The following SH3PXD2A variants were observed in gnomAD, a reference collection of about 807,000 sequenced individuals.
SH3PXD2A encodes SH3 and PX domains 2A.
In SH3PXD2A, 32 loss-of-function variants were observed where a neutral mutation model predicts 115.2. The observed-to-expected ratio is 0.28, with a 90% CI of 0.21 to 0.37. SH3PXD2A has a LOEUF of 0.37. SH3PXD2A is among the 10% of genes least tolerant of loss of function. The pLI is 1.00. For synonymous variants in SH3PXD2A, 610 were observed against 629.1 expected, an observed-to-expected ratio of 0.97 and a Z score of 0.45; for missense variants, 1,328 against 1,498.7, an observed-to-expected ratio of 0.89 and a Z score of 1.88.
At chr10:103,842,197 T>C (rs1296343429) in intron 1 of SH3PXD2A, among the ~76,000 whole-genome samples, 1 of 62,212 alleles carries the variant, frequency 1.6e-5, no homozygotes, top group Non-Finnish European at 4.0e-5. Context: ...CTGGCTTTAG[T>C]TTTCCCTACG....
At chr10:103,670,617 C>G (rs2037444519) in intron 6 of SH3PXD2A, among the ~76,000 whole-genome samples, 1 of 152,322 alleles carries the variant, frequency 6.6e-6, no homozygotes, top group South Asian at 2.1e-4. Flanking sequence ...TACTGCCCCA[C>G]AGTCACTCTC....
At chr10:103,727,301 C>A (rs1404577918) in intron 4 of SH3PXD2A, among the ~76,000 whole-genome samples, 1 of 152,164 alleles carries the variant, frequency 6.6e-6, no homozygotes, top group Non-Finnish European at 1.5e-5. Context: ...TTAACGCACA[C>A]TGTCCATGCT....
chr10:103,606,000 C>A, intron 13 of SH3PXD2A, 83 bp from the exon 14 acceptor site: 3 of 1,487,612 alleles, frequency 2.0e-6, no homozygotes, highest in Admixed American at 1.9e-5. Context: ...CACTCAGTCC[C>A]CAGGGGGTGC....
At chr10:103,720,962 A>C (rs1420560038) in intron 5 of SH3PXD2A, among the ~76,000 whole-genome samples, 1 of 152,184 alleles carries the variant, frequency 6.6e-6, no homozygotes, top group Non-Finnish European at 1.5e-5. Context: ...TGAGCCTCAG[A>C]CCTGTCTTGG....
intron 10 of SH3PXD2A, among the ~76,000 whole-genome samples, chr10:103,618,837 G>A (rs552567825): frequency 1.3e-5 from 2 of 152,270 alleles, no homozygotes; most frequent in South Asian, 2.1e-4. Context: ...ACTGGTGGCC[G>A]TGGGGGTGGG....
At chr10:103,724,030 C>A (rs139293920) in intron 5 of SH3PXD2A, among the ~76,000 whole-genome samples, 1 of 152,286 alleles carries the variant, frequency 6.6e-6, no homozygotes, top group East Asian at 1.9e-4. Flanking sequence ...AAAATCTGCT[C>A]CACAAATGCA....
At chr10:103,774,239 G>A (rs956316322) in intron 2 of SH3PXD2A, among the ~76,000 whole-genome samples, 6 of 152,140 alleles carry the variant, frequency 3.9e-5, no homozygotes, top group African/African-American at 9.7e-5. Context: ...GGGACTGTGC[G>A]TGTGTTTCTT....
intron 6 of SH3PXD2A, among the ~76,000 whole-genome samples, chr10:103,675,078 C>T (rs2037514924): frequency 6.6e-6 from 1 of 152,132 alleles, no homozygotes; most frequent in East Asian, 1.9e-4. Flanking sequence ...AAAAAGAGTG[C>T]CCTTGCACTG....
chr10:103,636,479 G>A (rs2036867541), intron 8 of SH3PXD2A, among the ~76,000 whole-genome samples: 1 of 151,984 alleles, frequency 6.6e-6, no homozygotes, highest in South Asian at 2.1e-4. Context: ...GAGACAGAGG[G>A]AAATGAAAGA....
chr10:103,597,454 C>G lies in SH3PXD2A; in HGVS notation c.*4362G>C, dbSNP rs757462664. 6.6e-6 allele frequency: 1 copy of G among 152,310 alleles called. No individual in the cohort carries two copies. Among genetic ancestry groups the G allele is most frequent in the Non-Finnish European group, 1.5e-5 (1 of 68,116 alleles). The allele number at this position is 152,310 out of a possible 1,614,324, so 9.4% of individuals were successfully genotyped here. ...CTCTGAGCAGCTGGCTGCACCACAA[C>G]AGAAATCAAAACAAGGAACAGCTCC... On this transcript the variant is annotated 3_prime_UTR_variant, in exon 15 of 15. Transcript: ENST00000369774.
chr10:103,758,785 C>T (rs1460881381), intron 3 of SH3PXD2A, among the ~76,000 whole-genome samples: 4 of 152,214 alleles, frequency 2.6e-5, no homozygotes, highest in Non-Finnish European at 4.4e-5. Context: ...AGATGGCACA[C>T]GGTGCCTCTC....
chr10:103,806,794 G>C (rs1462623885), intron 1 of SH3PXD2A, among the ~76,000 whole-genome samples: 3 of 152,216 alleles, frequency 2.0e-5, no homozygotes, highest in African/African-American at 4.8e-5. Flanking sequence ...GCTCGCTAGA[G>C]GCTAGCAACT....
At chr10:103,836,602 A>T (rs1317610921) in intron 1 of SH3PXD2A, among the ~76,000 whole-genome samples, 2 of 146,108 alleles carry the variant, frequency 1.4e-5, no homozygotes, top group African/African-American at 2.6e-5. Context: ...TCCACACTCA[A>T]ACCCCCACAC....
rs1301180240 is a variant in SH3PXD2A, at chr10:103,665,791, G to T, written c.472+2817C>A. Among the ~76,000 whole-genome samples, 1 of 152,206 alleles carries T rather than the reference G, an allele frequency of 6.6e-6. No homozygotes were observed. The highest frequency in any genetic ancestry group is 1.5e-5 in the Non-Finnish European group (1 of 68,024). On this transcript the variant is annotated intron_variant, in intron 7 of 14. Transcript: ENST00000369774. The surrounding 1 kb of genome is among the most constrained non-coding windows in gnomAD (Gnocchi z 4.0). ...TGGAGGAGTCTGCCTGAGTGGGGAG[G>T]GGGCAGTGGAGGGAGCCTGGTGTCT... is the stretch of plus-strand genomic sequence containing the variant.
intron 3 of SH3PXD2A, among the ~76,000 whole-genome samples, chr10:103,765,093 C>G (rs2038740009): frequency 6.6e-6 from 1 of 152,172 alleles, no homozygotes; most frequent in South Asian, 2.1e-4. Flanking sequence ...ATCATTATCC[C>G]CATTTTCCAG....
At chr10:103,791,209 A>G (rs2039032030) in intron 2 of SH3PXD2A, among the ~76,000 whole-genome samples, 1 of 152,186 alleles carries the variant, frequency 6.6e-6, no homozygotes, top group African/African-American at 2.4e-5. Flanking sequence ...GACCCCATGG[A>G]GAGGCTGGGG....
In SH3PXD2A at chr10:103,624,948, C is replaced by A. The variant is rs140691383; in HGVS notation, c.718+2141G>T. On this transcript the variant is annotated intron_variant, in intron 9 of 14. Transcript: ENST00000369774. Reference sequence around the variant, plus strand: ...CCAGAAGTTGCCAGGAGAATTGGCACACAGGCCCTGTCAGAGGCGTGCGCA... The same window carrying A: ...CCAGAAGTTGCCAGGAGAATTGGCAAACAGGCCCTGTCAGAGGCGTGCGCA... Among the ~76,000 whole-genome samples, 191 of 152,306 alleles carry A rather than the reference C, an allele frequency of 1.3e-3. 1 individual carries two copies. The highest frequency in any genetic ancestry group is 4.5e-3 in the African/African-American group (188 of 41,572).
At chr10:103,818,926 A>G (rs977918908) in intron 1 of SH3PXD2A, among the ~76,000 whole-genome samples, 2 of 152,184 alleles carry the variant, frequency 1.3e-5, no homozygotes, top group Non-Finnish European at 2.9e-5. Context: ...TCAGATGGCC[A>G]ATTTCATGCC....
Position 103,622,457 on chromosome 10 carries a change from C to T in SH3PXD2A, c.802+13G>A, listed in dbSNP as rs2036621451. ...GTCGCTGCGAGGGAGGAGAAGCCAG[C>T]TCCCGCAGTCACCTCGGCTGTGCTG... is the stretch of plus-strand genomic sequence containing the variant. On this transcript the variant is annotated intron_variant, in intron 10 of 14. Transcript: ENST00000369774. 1 of 1,538,080 alleles carries T rather than the reference C, an allele frequency of 6.5e-7. No individual in the cohort carries two copies. Among genetic ancestry groups the T allele is most frequent in the Non-Finnish European group, 8.8e-7 (1 of 1,136,456 alleles).
Sources: gnomAD v4.1 joint callset for allele counts (sites outside exome capture counted in the v4.1 genomes callset) on GRCh38, gnomAD v4.1.1 for gene constraint, Gnocchi (gnomAD v3.1) non-coding constraint, MANE v1.5 for transcripts, NCBI Gene and HGNC (gene_info 2026-07-23, HGNC 2026-07-21) for gene names.